Variants in ARHGEF12 observed in about 807,000 individuals in gnomAD.
The protein encoded by ARHGEF12 is Rho guanine nucleotide exchange factor 12, also known as KMT2A/ARHGEF12 fusion protein.
A neutral mutation model predicts 211.2 loss-of-function variants in ARHGEF12; 66 were observed. The ratio of observed to expected loss-of-function variants is 0.31; its 90% CI spans 0.26 to 0.38. ARHGEF12 has a LOEUF of 0.38. Among genes scored for constraint, ARHGEF12 ranks in the 10% least tolerant of loss-of-function variants. ARHGEF12 has a pLI of 1.00. For missense variants in ARHGEF12, 1,429 were observed against 1,869.5 expected, an observed-to-expected ratio of 0.76 and a Z score of 4.34; for synonymous variants, 592 against 638.4, an observed-to-expected ratio of 0.93 and a Z score of 1.09.
intron 37 of ARHGEF12, among the ~76,000 whole-genome samples, chr11:120,479,369 T>C (rs1346340477): frequency 6.6e-6 from 1 of 152,262 alleles, no homozygotes; most frequent in Non-Finnish European, 1.5e-5. Flanking sequence ...ATTAACAGTC[T>C]TAATAATTTC....
chr11:120,399,307 T>A (rs1205502009), intron 1 of ARHGEF12, among the ~76,000 whole-genome samples: 1 of 79,710 alleles, frequency 1.3e-5, no homozygotes, highest in Non-Finnish European at 2.3e-5. Context: ...AGTGAGAGAG[T>A]GAGACATTGT....
At chr11:120,412,570 T>C (rs572852976) in intron 4 of ARHGEF12, among the ~76,000 whole-genome samples, 6 of 152,336 alleles carry the variant, frequency 3.9e-5, no homozygotes, top group African/African-American at 1.4e-4. Flanking sequence ...TCAACCTGGT[T>C]CTTTATTCTT....
At position 120,428,050 on chromosome 11, in the gene ARHGEF12, T is replaced by A. The variant is rs1013444002; in HGVS notation, c.407-19T>A. 7 of 1,523,472 alleles carry A rather than the reference T, an allele frequency of 4.6e-6. No homozygotes were observed. The highest frequency in any genetic ancestry group is 1.4e-5 in the African/African-American group (1 of 71,854). The allele number at this position is 1,523,472 out of a possible 1,614,324, so 94.4% of individuals were successfully genotyped here. A position where few individuals can be genotyped will look rare whatever the true frequency, so the allele number is the denominator to read the frequency against. On this transcript the variant is annotated intron_variant, in intron 7 of 40. Coordinates refer to ENST00000397843, the MANE Select transcript of ARHGEF12 (RefSeq NM_015313.3). ...GTTATTTTCCCTTCCCTTCCCTTTTTCCGTCTCCCCACCCCAAGCTGGTTC... is the reference window on the plus strand; with the variant it reads ...GTTATTTTCCCTTCCCTTCCCTTTTACCGTCTCCCCACCCCAAGCTGGTTC...
At chr11:120,366,694 C>T (rs1943430337) in intron 1 of ARHGEF12, among the ~76,000 whole-genome samples, 1 of 152,196 alleles carries the variant, frequency 6.6e-6, no homozygotes, top group African/African-American at 2.4e-5. Context: ...TCCAAGATCA[C>T]ATGACAACAT....
intron 19 of ARHGEF12, 24 bp downstream of exon 19, chr11:120,447,930 CT>C: frequency 6.5e-7 from 1 of 1,527,750 alleles, no homozygotes; most frequent in South Asian, 1.2e-5. Flanking sequence ...TTTTTTTCCC[CT>C]AGAATTTTAA....
At chr11:120,468,805 C>T (rs546690231) in intron 29 of ARHGEF12, among the ~76,000 whole-genome samples, 1 of 152,080 alleles carries the variant, frequency 6.6e-6, no homozygotes, top group African/African-American at 2.4e-5. Context: ...TATTTTCTTT[C>T]TTTAAATATA....
intron 1 of ARHGEF12, among the ~76,000 whole-genome samples, chr11:120,385,867 A>G (rs1944015491): frequency 6.6e-6 from 1 of 152,138 alleles, no homozygotes; most frequent in Admixed American, 6.5e-5. Flanking sequence ...TTGACGTATT[A>G]TTCTGTGAAT....
rs372609141 is a variant in ARHGEF12, at chr11:120,438,886, C to T, written c.1000-1243C>T. The T allele has an allele frequency of 2.0e-5, 3 of 152,108 alleles. No individual in the cohort carries two copies. In the East Asian group the frequency reaches 5.8e-4, roughly 29 times the overall value. The allele number at this position is 152,108 out of a possible 1,614,324, so 9.4% of individuals were successfully genotyped here. On this transcript the variant is annotated intron_variant, in intron 12 of 40. Coordinates refer to ENST00000397843, the MANE Select transcript of ARHGEF12 (RefSeq NM_015313.3). Reference sequence around the variant, plus strand: ...TGTATGTATATATGTATGAATGAGACAGAGTCTTACTCTGTTGCCCAAGCT... The same window carrying T: ...TGTATGTATATATGTATGAATGAGATAGAGTCTTACTCTGTTGCCCAAGCT...
chr11:120,453,331 A>C (rs1231074477), intron 22 of ARHGEF12, among the ~76,000 whole-genome samples: 1 of 152,208 alleles, frequency 6.6e-6, no homozygotes, highest in Non-Finnish European at 1.5e-5. Flanking sequence ...GTGGCGGATG[A>C]ACAGAAACCA....
At chr11:120,427,870 G>C (rs1241503201) in intron 7 of ARHGEF12, among the ~76,000 whole-genome samples, 199 bp from the exon 8 acceptor site, 1 of 151,830 alleles carries the variant, frequency 6.6e-6, no homozygotes, top group Non-Finnish European at 1.5e-5. Flanking sequence ...TCATTCTTTT[G>C]GATTTTTAGG....
chr11:120,382,433 A>G (rs897687084), intron 1 of ARHGEF12, among the ~76,000 whole-genome samples: 2 of 152,258 alleles, frequency 1.3e-5, no homozygotes, highest in Non-Finnish European at 2.9e-5. Flanking sequence ...TCTACTGCAG[A>G]TGGACATTTA....
chr11:120,410,947 T>C (rs1225215817), intron 4 of ARHGEF12: 1 of 152,248 alleles, frequency 6.6e-6, no homozygotes, highest in African/African-American at 2.4e-5. Flanking sequence ...GCCTTTGCAG[T>C]GTTCTATTTC....
intron 37 of ARHGEF12, 136 bp downstream of exon 37, chr11:120,478,525 GC>G (rs1947130805): frequency 1.2e-6 from 1 of 843,348 alleles, no homozygotes; most frequent in East Asian, 2.7e-5. Flanking sequence ...CTCTACAGTG[GC>G]CCATGCCACA....
intron 6 of ARHGEF12, 73 bp downstream of exon 6, chr11:120,421,925 T>C: frequency 8.6e-7 from 1 of 1,160,530 alleles, no homozygotes. Context: ...TCTGATTTTT[T>C]TCACTTGGAT....
At chr11:120,367,537 T>C (rs937273870) in intron 1 of ARHGEF12, among the ~76,000 whole-genome samples, 1 of 151,942 alleles carries the variant, frequency 6.6e-6, no homozygotes, top group Admixed American at 6.5e-5. Context: ...GGCTAATTTT[T>C]GTATTTTTAG....
At position 120,459,412 on chromosome 11, in the gene ARHGEF12, A is replaced by G. The variant is rs895282606; in HGVS notation, c.2527+92A>G. 2.3e-6 allele frequency: 3 copies of G among 1,308,000 alleles called. No homozygotes were observed. In the South Asian group the frequency reaches 4.3e-5, roughly 19 times the overall value. 81.0% of individuals were successfully genotyped at this position (1,308,000 alleles called of 1,614,324 possible). A position where few individuals can be genotyped will look rare whatever the true frequency, so the allele number is the denominator to read the frequency against. ...ATTTTGTAAATGTACCCATGTTAGTATTCCTGAGATTATGTGTGAGAATGT... is the reference window on the plus strand; with the variant it reads ...ATTTTGTAAATGTACCCATGTTAGTGTTCCTGAGATTATGTGTGAGAATGT... On this transcript the variant is annotated intron_variant, in intron 26 of 40. Coordinates refer to ENST00000397843, the MANE Select transcript of ARHGEF12 (RefSeq NM_015313.3).
At chr11:120,438,056 CAAG>C (rs1033833885) in intron 12 of ARHGEF12, among the ~76,000 whole-genome samples, 2 of 152,144 alleles carry the variant, frequency 1.3e-5, no homozygotes, top group African/African-American at 2.4e-5. Flanking sequence ...GGGTGTTCAT[CAAG>C]AAGAAGAATT....
Position 120,451,613 on chromosome 11 carries a change from A to C in ARHGEF12, c.1945A>C (p.Ser649Arg). The change falls in exon 22 of 41, where the codon AGT (serine) becomes CGT (arginine). Residue 649 changes from serine (S) to arginine (R), a missense_variant. By Grantham distance (110) the Ser-to-Arg change is moderately radical. Coordinates refer to ENST00000397843, the MANE Select transcript of ARHGEF12 (RefSeq NM_015313.3). ...EPQDSAKLRQ[S>R]GLANEGTDAG... ...TCAGGACTCTGCCAAGTTGCGCCAG[A>C]GTGGGTTAGCAAATGAAGGAACAGA... 2 of 1,614,124 alleles carry C rather than the reference A, an allele frequency of 1.2e-6. No homozygotes were observed. Among genetic ancestry groups the C allele is most frequent in the Non-Finnish European group, 1.7e-6 (2 of 1,180,022 alleles).
intron 1 of ARHGEF12, among the ~76,000 whole-genome samples, chr11:120,380,253 C>G (rs1943841358): frequency 6.6e-6 from 1 of 152,142 alleles, no homozygotes. Flanking sequence ...TACCCTACAC[C>G]TAGTTTTCCT....
Sources: allele counts gnomAD v4.1 joint callset (sites outside exome capture counted in the v4.1 genomes callset), GRCh38; gene constraint gnomAD v4.1.1; transcripts MANE v1.5; gene names NCBI Gene and HGNC (gene_info 2026-07-23, HGNC 2026-07-21).